Variants in NARS2 observed in about 807,000 individuals in gnomAD.
NARS2 encodes the protein asparaginyl-tRNA synthetase.
A neutral mutation model predicts 62.9 loss-of-function variants in NARS2; 60 were observed. The ratio of observed to expected loss-of-function variants is 0.95; its 90% CI spans 0.77 to 1.18. NARS2 has a LOEUF of 1.18. NARS2 is among the 50% of genes most tolerant of loss of function. NARS2 has a pLI of 0.00. For synonymous variants in NARS2, 196 were observed against 200.0 expected, an observed-to-expected ratio of 0.98 and a Z score of 0.17; for missense variants, 619 against 576.4, an observed-to-expected ratio of 1.07 and a Z score of -0.76.
intron 6 of NARS2, among the ~76,000 whole-genome samples, chr11:78,526,804 G>A (rs528479821): frequency 1.3e-5 from 2 of 152,184 alleles, no homozygotes; most frequent in Admixed American, 1.3e-4. Context: ...ACTTCTGAGG[G>A]ATGAGACACC....
intron 7 of NARS2, among the ~76,000 whole-genome samples, chr11:78,481,428 T>TA (rs1859349536): frequency 6.6e-6 from 1 of 152,054 alleles, no homozygotes; most frequent in Admixed American, 6.5e-5. Context: ...CTAATACACA[T>TA]TGGGAGGAAT....
chr11:78,547,273 A>G (rs1389107759), intron 5 of NARS2, among the ~76,000 whole-genome samples: 3 of 152,178 alleles, frequency 2.0e-5, no homozygotes, highest in Non-Finnish European at 2.9e-5. Context: ...AAAGAAGAAA[A>G]AAAAAGAACT....
At chr11:78,564,284 C>G (rs1269183437) in intron 4 of NARS2, among the ~76,000 whole-genome samples, 8 of 152,198 alleles carry the variant, frequency 5.3e-5, no homozygotes, top group Non-Finnish European at 1.2e-4. Flanking sequence ...CAGCCTCCAC[C>G]TCCTGGGCTC....
chr11:78,499,650 T>C (rs1412188908), intron 6 of NARS2, among the ~76,000 whole-genome samples: 1 of 152,232 alleles, frequency 6.6e-6, no homozygotes, highest in East Asian at 1.9e-4. Flanking sequence ...TGAACTGCTC[T>C]AATTAGAACA....
intron 4 of NARS2, among the ~76,000 whole-genome samples, chr11:78,561,932 A>T (rs964733616): frequency 1.3e-5 from 2 of 152,090 alleles, no homozygotes; most frequent in Non-Finnish European, 2.9e-5. Flanking sequence ...GTGGTAGTGC[A>T]CACCTGTAGT....
chr11:78,551,402 T>C (rs1411207505), intron 5 of NARS2, among the ~76,000 whole-genome samples: 1 of 152,158 alleles, frequency 6.6e-6, no homozygotes, highest in Non-Finnish European at 1.5e-5. Flanking sequence ...TATCTAAATA[T>C]GGAATTGGTA....
chr11:78,532,190 C>T (rs1013102985), intron 5 of NARS2, among the ~76,000 whole-genome samples: 3 of 151,952 alleles, frequency 2.0e-5, no homozygotes, highest in African/African-American at 7.3e-5. Flanking sequence ...AATTAAACAC[C>T]CAACTTTGTG....
intron 5 of NARS2, among the ~76,000 whole-genome samples, chr11:78,530,697 C>T (rs1861445892): frequency 6.6e-6 from 1 of 152,080 alleles, no homozygotes; most frequent in Admixed American, 6.5e-5. Context: ...GGTCTCCTGA[C>T]CTCAAGTGAT....
Position 78,509,839 on chromosome 11 carries a change from AAAAG to A in NARS2, c.690-16648_690-16645del, listed in dbSNP as rs1459461237. Among the ~76,000 whole-genome samples the A allele has an allele frequency of 2.6e-3, 385 of 148,250 alleles. 1 individual carries two copies. The highest frequency in any genetic ancestry group is 0.011 in the Middle Eastern group (3 of 276). ...GAGACTCTGTCTCAAAAAAAAAAAAAAAAGAAAAGAAAAGAAAAGAAAAGAAAGT... is the reference window on the plus strand; with the variant it reads ...GAGACTCTGTCTCAAAAAAAAAAAAAAAAAGAAAAGAAAAGAAAAGAAAGT... On this transcript the variant is annotated intron_variant, in intron 6 of 13. Coordinates refer to ENST00000281038, the MANE Select transcript of NARS2 (RefSeq NM_024678.6).
chr11:78,533,106 T>C (rs748582204), intron 5 of NARS2: 3 of 152,160 alleles, frequency 2.0e-5, no homozygotes, highest in East Asian at 1.9e-4. Context: ...TAGGCCTTCA[T>C]TGACTCCTGC....
intron 6 of NARS2, among the ~76,000 whole-genome samples, chr11:78,521,716 G>A (rs1414192254): frequency 6.7e-6 from 1 of 150,088 alleles, no homozygotes. Context: ...CGTGAACCCG[G>A]GAGGCGGAGC....
intron 11 of NARS2, among the ~76,000 whole-genome samples, chr11:78,449,294 C>T (rs929964338): frequency 2.2e-4 from 33 of 151,868 alleles, no homozygotes; most frequent in African/African-American, 8.0e-4. Context: ...TGCCACCATG[C>T]CCGGCTAATT....
At chr11:78,459,957 T>C (rs772848506) in intron 11 of NARS2, among the ~76,000 whole-genome samples, 22 of 152,096 alleles carry the variant, frequency 1.4e-4, no homozygotes, top group Non-Finnish European at 2.6e-4. Flanking sequence ...TCAAGAAAGG[T>C]TTCTCTGAGG....
intron 6 of NARS2, among the ~76,000 whole-genome samples, chr11:78,506,430 T>C (rs1860501719): frequency 6.6e-6 from 1 of 152,196 alleles, no homozygotes; most frequent in Admixed American, 6.5e-5. Context: ...AACAACTAAG[T>C]ATCAAACGAC....
intron 5 of NARS2, among the ~76,000 whole-genome samples, chr11:78,551,149 T>C (rs1856090541): frequency 1.3e-5 from 2 of 152,234 alleles, no homozygotes; most frequent in South Asian, 4.1e-4. Context: ...TGATTGGCTG[T>C]ACAACCCTGA....
At chr11:78,538,150 T>C (rs1466213496) in intron 5 of NARS2, among the ~76,000 whole-genome samples, 1 of 152,190 alleles carries the variant, frequency 6.6e-6, no homozygotes, top group Non-Finnish European at 1.5e-5. Flanking sequence ...CTTGGCTACC[T>C]GGTCCACTGA....
At chr11:78,514,995 T>C (rs1464681664) in intron 6 of NARS2, among the ~76,000 whole-genome samples, 1 of 152,186 alleles carries the variant, frequency 6.6e-6, no homozygotes, top group Admixed American at 6.5e-5. Flanking sequence ...GGAAGAATCA[T>C]GAAGGGGGCC....
Position 78,468,310 on chromosome 11 carries a change from G to GAAAAAAAAAAAAAAAAAAA in NARS2, c.1026+936_1026+937insTTTTTTTTTTTTTTTTTTT, listed in dbSNP as rs764254167. On this transcript the variant is annotated intron_variant, in intron 10 of 13. Transcript: ENST00000281038. The stretch of plus-strand genomic sequence containing the variant: ...ACCTGCTTCTGCAAGCACTAAATCT[G>GAAAAAAAAAAAAAAAAAAA]AAAAAAAAAAAAAAAAAAGAAAAAA... 1.8e-4 allele frequency among the ~76,000 whole-genome samples: 12 copies of GAAAAAAAAAAAAAAAAAAA among 67,430 alleles called. 1 individual carries two copies. The highest frequency in any genetic ancestry group is 6.4e-4 in the African/African-American group (11 of 17,066). 44.2% of individuals were successfully genotyped at this position (67,430 alleles called of 152,430 possible).
intron 9 of NARS2, among the ~76,000 whole-genome samples, chr11:78,470,841 T>G (rs1027636687): frequency 6.6e-6 from 1 of 151,824 alleles, no homozygotes; most frequent in Admixed American, 6.6e-5. Context: ...AGTGTCAGGT[T>G]GCTTGTAAAT....
Sources: gnomAD v4.1 joint callset for allele counts (sites outside exome capture counted in the v4.1 genomes callset) on GRCh38, gnomAD v4.1.1 for gene constraint, MANE v1.5 for transcripts, NCBI Gene and HGNC (gene_info 2026-07-23, HGNC 2026-07-21) for gene names.